Variants in CWC27 observed in about 807,000 individuals in gnomAD.
CWC27 encodes the protein spliceosome-associated protein CWC27 homolog.
A neutral mutation model predicts 63.6 loss-of-function variants in CWC27; 47 were observed. The observed-to-expected ratio is 0.74, with a 90% CI of 0.58 to 0.94. The LOEUF (loss-of-function observed/expected upper bound fraction) is 0.94. Ranked by LOEUF, CWC27 falls within the 40% of genes least tolerant of loss-of-function variation. CWC27 has a pLI of 0.00. For missense variants in CWC27, 495 were observed against 554.3 expected, an observed-to-expected ratio of 0.89 and a Z score of 1.07; for synonymous variants, 175 against 179.8, an observed-to-expected ratio of 0.97 and a Z score of 0.22.
intron 7 of CWC27, among the ~76,000 whole-genome samples, chr5:64,793,090 C>A (rs921653069): frequency 6.6e-6 from 1 of 152,034 alleles, no homozygotes; most frequent in African/African-American, 2.4e-5. Context: ...TGCCCTTATG[C>A]CCAATCTAGA....
At chr5:64,922,333 C>T (rs1748013812) in intron 11 of CWC27, among the ~76,000 whole-genome samples, 1 of 151,852 alleles carries the variant, frequency 6.6e-6, no homozygotes, top group African/African-American at 2.4e-5. Context: ...TCATTTTTTA[C>T]ATTCTTTTTT....
At chr5:64,780,835 T>C (rs1743658663) in intron 2 of CWC27, among the ~76,000 whole-genome samples, 1 of 152,066 alleles carries the variant, frequency 6.6e-6, no homozygotes, top group African/African-American at 2.4e-5. Flanking sequence ...CCAACACTTA[T>C]TCTTTTAAGG....
chr5:64,953,423 A>C (rs1029941028), intron 11 of CWC27, among the ~76,000 whole-genome samples: 7 of 152,238 alleles, frequency 4.6e-5, no homozygotes, highest in South Asian at 2.1e-4. Context: ...GAAGCTACTA[A>C]CTCAGAATAC....
chr5:64,944,504 C>G (rs1395825629), intron 11 of CWC27, among the ~76,000 whole-genome samples: 1 of 152,148 alleles, frequency 6.6e-6, no homozygotes, highest in East Asian at 1.9e-4. Context: ...ATTTACATAT[C>G]ATCTATTGCT....
chr5:64,893,421 C>A (rs1214390635), intron 11 of CWC27, among the ~76,000 whole-genome samples: 2 of 152,186 alleles, frequency 1.3e-5, no homozygotes, highest in Admixed American at 1.3e-4. Context: ...TTAAACCTTA[C>A]TTTGTACAGT....
At chr5:64,818,072 GTTATC>G (rs1745094797) in intron 10 of CWC27, among the ~76,000 whole-genome samples, 2 of 151,978 alleles carry the variant, frequency 1.3e-5, no homozygotes, top group Admixed American at 6.6e-5. Context: ...CTTCTTTACA[GTTATC>G]TTATTTTAAA....
chr5:64,862,314 C>A (rs1418232079), intron 10 of CWC27, among the ~76,000 whole-genome samples: 1 of 152,002 alleles, frequency 6.6e-6, no homozygotes, highest in East Asian at 1.9e-4. Flanking sequence ...AATCTTTTAT[C>A]TTATTAAAAA....
intron 13 of CWC27, among the ~76,000 whole-genome samples, chr5:65,003,016 T>G (rs1749759673): frequency 6.6e-6 from 1 of 152,240 alleles, no homozygotes; most frequent in African/African-American, 2.4e-5. Flanking sequence ...CTTGCTGATT[T>G]GATCCCATTA....
intron 7 of CWC27, among the ~76,000 whole-genome samples, chr5:64,795,693 C>A (rs1005533213): frequency 1.3e-5 from 2 of 152,126 alleles, no homozygotes; most frequent in Non-Finnish European, 2.9e-5. Context: ...TACATTTGGA[C>A]CCATCTTGAT....
chr5:64,887,779 A>T lies in CWC27; in HGVS notation c.1042+2233A>T, dbSNP rs73107206. Among the ~76,000 whole-genome samples, 1,019 of 152,298 alleles carry T rather than the reference A, an allele frequency of 6.7e-3. 9 individuals are homozygous for T. Among genetic ancestry groups the T allele is most frequent in the African/African-American group, 0.023 (964 of 41,576 alleles). On this transcript the variant is annotated intron_variant, in intron 11 of 13. Coordinates refer to ENST00000381070, the MANE Select transcript of CWC27 (RefSeq NM_005869.4). ...TATTTACTAAAATCACACATTTTTCATAATAAATTCATAGTCAATTTTCTA... is the reference window on the plus strand; with the variant it reads ...TATTTACTAAAATCACACATTTTTCTTAATAAATTCATAGTCAATTTTCTA...
At chr5:64,971,953 G>C in intron 12 of CWC27, 141 bp downstream of exon 12, 1 of 458,726 alleles carries the variant, frequency 2.2e-6, no homozygotes, top group Non-Finnish European at 3.8e-6. Context: ...TATATAGGGT[G>C]GACATTGGCC....
intron 10 of CWC27, among the ~76,000 whole-genome samples, chr5:64,831,651 C>T (rs763099048): frequency 6.6e-6 from 1 of 151,774 alleles, no homozygotes; most frequent in Non-Finnish European, 1.5e-5. Context: ...TATCTATACA[C>T]CAAACCCCTG....
intron 13 of CWC27, among the ~76,000 whole-genome samples, chr5:64,998,551 C>T (rs927221350): frequency 1.3e-5 from 2 of 152,032 alleles, no homozygotes; most frequent in Non-Finnish European, 2.9e-5. Context: ...TTACAGAAGA[C>T]ACTATGAGGA....
Position 64,804,304 on chromosome 5 carries a change from GC to G in CWC27, c.858del (p.Lys288AsnfsTer2). 6.2e-7 allele frequency: 1 copy of G among 1,612,920 alleles called. No individual in the cohort carries two copies. The highest frequency in any genetic ancestry group is 8.5e-7 in the Non-Finnish European group (1 of 1,179,534). ...AAAGAACCTGATGAGAGAAAGAATT[GC>G]CAAAAAATTAAAAAAGGACACAAGT... ...DEKNLMRERI[A>X]KKLKKDTSAN... On this transcript the variant is annotated frameshift_variant, in exon 10 of 14. Coordinates refer to ENST00000381070, the MANE Select transcript of CWC27 (RefSeq NM_005869.4). LOFTEE classifies it high-confidence loss of function.
intron 10 of CWC27, chr5:64,807,467 A>T: frequency 8.4e-7 from 1 of 1,195,882 alleles, no homozygotes; most frequent in Non-Finnish European, 1.1e-6. Context: ...CTCAGGGGAA[A>T]TACAAATCCA....
intron 13 of CWC27, among the ~76,000 whole-genome samples, chr5:64,994,832 A>G (rs955667845): frequency 1.3e-5 from 2 of 152,222 alleles, no homozygotes; most frequent in African/African-American, 4.8e-5. Context: ...GTCATAAATA[A>G]CAGATATATA....
In CWC27 at chr5:64,788,927, T is replaced by C. The variant is rs886155052; in HGVS notation, c.600-24T>C. The C allele has an allele frequency of 6.3e-5, 95 of 1,505,954 alleles. 1 individual carries two copies. Among genetic ancestry groups the C allele is most frequent in the Middle Eastern group, 1.9e-4 (1 of 5,234 alleles). The allele number at this position is 1,505,954 out of a possible 1,614,324, so 93.3% of individuals were successfully genotyped here. A position where few individuals can be genotyped will look rare whatever the true frequency, so the allele number is the denominator to read the frequency against. Reference sequence around the variant, plus strand: ...GATTTGACTTTCTCTTTCTTTTTTTTTTTCTTTCTTTTTTTTGGACTAGAA... The same window carrying C: ...GATTTGACTTTCTCTTTCTTTTTTTCTTTCTTTCTTTTTTTTGGACTAGAA... On this transcript the variant is annotated intron_variant, in intron 6 of 13. Transcript: ENST00000381070.
chr5:64,957,741 G>A (rs1322049717), intron 11 of CWC27, among the ~76,000 whole-genome samples: 2 of 152,110 alleles, frequency 1.3e-5, no homozygotes, highest in Admixed American at 6.6e-5. Flanking sequence ...AACGTTATTA[G>A]GGAGACTCTG....
At chr5:64,852,144 T>A (rs990650196) in intron 10 of CWC27, among the ~76,000 whole-genome samples, 2 of 152,168 alleles carry the variant, frequency 1.3e-5, no homozygotes, top group African/African-American at 4.8e-5. Context: ...GAGGGAAACA[T>A]AAGTAACTGG....
Sources: gnomAD v4.1 joint callset for allele counts (sites outside exome capture counted in the v4.1 genomes callset) on GRCh38, gnomAD v4.1.1 for gene constraint, MANE v1.5 for transcripts, NCBI Gene and HGNC (gene_info 2026-07-23, HGNC 2026-07-21) for gene names.